POU6F2: variants seen among roughly 807,000 people sequenced by gnomAD.
POU6F2 encodes the protein POU class 6 homeobox 2.
In POU6F2, 31 loss-of-function variants were observed where a neutral mutation model predicts 71.3. The observed-to-expected ratio is 0.43, with a 90% confidence interval of 0.33 to 0.59. POU6F2 has a LOEUF of 0.59. Ranked by LOEUF, POU6F2 falls within the 20% of genes least tolerant of loss-of-function variation. POU6F2 has a pLI of 0.04. For missense variants in POU6F2, 783 were observed against 856.8 expected, an observed-to-expected ratio of 0.91 and a Z score of 1.07; for synonymous variants, 347 against 355.7, an observed-to-expected ratio of 0.98 and a Z score of 0.27.
intron 2 of POU6F2, among the ~76,000 whole-genome samples, chr7:39,148,756 A>T (rs1356385194): frequency 3.9e-5 from 6 of 152,152 alleles, no homozygotes; most frequent in Non-Finnish European, 8.8e-5. Flanking sequence ...GTCTAAATTA[A>T]CCTAGCTAGT....
At chr7:39,140,485 A>C (rs1234717202) in intron 2 of POU6F2, among the ~76,000 whole-genome samples, 1 of 151,966 alleles carries the variant, frequency 6.6e-6, no homozygotes, top group Non-Finnish European at 1.5e-5. Flanking sequence ...CCCTCTAGGG[A>C]CTCTAGGGGA....
intron 2 of POU6F2, among the ~76,000 whole-genome samples, chr7:39,160,028 ATGG>A (rs1042799805): frequency 3.3e-5 from 5 of 152,062 alleles, no homozygotes; most frequent in African/African-American, 1.2e-4. Context: ...AGTGTCTCTG[ATGG>A]TGTGGACAGA....
rs188069289 is a variant in POU6F2, at chr7:39,089,404, G to T, written c.277+3373G>T. On this transcript the variant is annotated intron_variant, in intron 2 of 9. Coordinates refer to ENST00000518318, the MANE Select transcript of POU6F2 (RefSeq NM_001370959.1). ...GGGTGGGGGATTATCAGAGAATCTGGCGCTGTGTCTCACAGGGCTTTAGCT... is the reference window on the plus strand; with the variant it reads ...GGGTGGGGGATTATCAGAGAATCTGTCGCTGTGTCTCACAGGGCTTTAGCT... 6.8e-3 allele frequency among the ~76,000 whole-genome samples: 1,041 copies of T among 152,276 alleles called. 5 individuals are homozygous for T. Among genetic ancestry groups the T allele is most frequent in the Non-Finnish European group, 0.01 (709 of 68,012 alleles).
At chr7:39,185,565 G>T (rs1793516201) in intron 2 of POU6F2, among the ~76,000 whole-genome samples, 1 of 152,046 alleles carries the variant, frequency 6.6e-6, no homozygotes, top group Non-Finnish European at 1.5e-5. Flanking sequence ...TGGGGCAACT[G>T]GTAGACATGT....
At chr7:39,085,046 T>C (rs1163914651) in intron 1 of POU6F2, 1 of 152,194 alleles carries the variant, frequency 6.6e-6, no homozygotes, top group Non-Finnish European at 1.5e-5. Flanking sequence ...AAGTTTGTCT[T>C]TTCTGAAGGC....
intron 1 of POU6F2, among the ~76,000 whole-genome samples, chr7:39,031,188 C>G (rs1034786605): frequency 7.9e-5 from 12 of 151,876 alleles, no homozygotes; most frequent in Non-Finnish European, 1.6e-4. Flanking sequence ...CGTGAGCCAC[C>G]GCGCCTGGCC....
chr7:39,227,551 C>CTTTTTTTT (rs34830334), intron 4 of POU6F2, among the ~76,000 whole-genome samples: 2 of 108,998 alleles, frequency 1.8e-5, no homozygotes, highest in African/African-American at 3.3e-5. Context: ...ACATTGGTAC[C>CTTTTTTTT]TTTTTTTTTT....
chr7:39,405,482 A>T (rs892292699), intron 5 of POU6F2, among the ~76,000 whole-genome samples: 1 of 152,192 alleles, frequency 6.6e-6, no homozygotes, highest in Non-Finnish European at 1.5e-5. Flanking sequence ...TTCTGAAAAA[A>T]TGCAGGAATT....
chr7:39,155,338 G>A (rs1249353818), intron 2 of POU6F2, among the ~76,000 whole-genome samples: 2 of 151,918 alleles, frequency 1.3e-5, no homozygotes, highest in Non-Finnish European at 2.9e-5. Context: ...AGAGGAAGAA[G>A]ATGAAGAGGG....
chr7:39,005,926 A>AT (rs1789052586), intron 1 of POU6F2, among the ~76,000 whole-genome samples: 1 of 152,214 alleles, frequency 6.6e-6, no homozygotes, highest in Admixed American at 6.5e-5. Flanking sequence ...ACACGAATTC[A>AT]TATGTATTTA....
chr7:39,425,316 T>C lies in POU6F2; in HGVS notation c.1114-7761T>C, dbSNP rs373656472. Among the ~76,000 whole-genome samples the C allele has an allele frequency of 2.0e-5, 3 of 152,126 alleles. No individual in the cohort carries two copies. The South Asian group carries it at 6.2e-4, about 32-fold the overall frequency. On this transcript the variant is annotated intron_variant, in intron 6 of 9. Transcript: ENST00000518318. ...GAGTTTGGTATTTAATTAAACATAA[T>C]AGAGGAAATGAAGAGCCACAAAAGC...
At chr7:39,253,620 C>CACA (rs1350657819) in intron 4 of POU6F2, among the ~76,000 whole-genome samples, 1 of 152,124 alleles carries the variant, frequency 6.6e-6, no homozygotes. Context: ...AAATGAGAAG[C>CACA]ATGTAATGTA....
intron 5 of POU6F2, among the ~76,000 whole-genome samples, chr7:39,403,624 G>A (rs913089682): frequency 5.3e-5 from 8 of 152,086 alleles, no homozygotes; most frequent in Admixed American, 3.9e-4. Context: ...AATCTACCCG[G>A]AGTCTCCAAT....
chr7:39,235,044 G>T (rs1369675372), intron 4 of POU6F2, among the ~76,000 whole-genome samples: 1 of 152,204 alleles, frequency 6.6e-6, no homozygotes, highest in Non-Finnish European at 1.5e-5. Flanking sequence ...TTCTGTCTCT[G>T]CTGTCTTTAG....
intron 2 of POU6F2, among the ~76,000 whole-genome samples, chr7:39,102,995 T>C (rs1791607628): frequency 6.6e-6 from 1 of 151,968 alleles, no homozygotes; most frequent in Non-Finnish European, 1.5e-5. Context: ...TGACCAAAAC[T>C]TTGTTCTGTG....
chr7:39,052,527 T>C (rs1790419693), intron 1 of POU6F2, among the ~76,000 whole-genome samples: 1 of 151,932 alleles, frequency 6.6e-6, no homozygotes, highest in African/African-American at 2.4e-5. Context: ...GAGAACTCAC[T>C]CACTATCACA....
At chr7:39,126,063 CT>C (rs1562715379) in intron 2 of POU6F2, among the ~76,000 whole-genome samples, 5 of 152,184 alleles carry the variant, frequency 3.3e-5, no homozygotes. Flanking sequence ...GTTCAGGTCC[CT>C]GTGATGCAAT....
chr7:39,214,684 C>T (rs1425852844), intron 4 of POU6F2, among the ~76,000 whole-genome samples: 5 of 152,132 alleles, frequency 3.3e-5, no homozygotes, highest in Non-Finnish European at 7.3e-5. Context: ...AAAAGGTGCT[C>T]AAGTGTGAAT....
chr7:39,466,243 A>G lies in POU6F2; in HGVS notation c.*1557A>G, dbSNP rs1276062767. On this transcript the variant is annotated 3_prime_UTR_variant, in exon 10 of 10. Coordinates refer to ENST00000518318, the MANE Select transcript of POU6F2 (RefSeq NM_001370959.1). ...AAATATAGAAGGGGCTTATCTAACA[A>G]TCAGAATAGCCTGCAATATGAGAAC... 6.6e-6 allele frequency: 1 copy of G among 152,202 alleles called. No homozygotes were observed. 9.4% of individuals were successfully genotyped at this position (152,202 alleles called of 1,614,324 possible).
Sources: gnomAD v4.1 joint callset for allele counts (sites outside exome capture counted in the v4.1 genomes callset) on GRCh38, gnomAD v4.1.1 for gene constraint, MANE v1.5 for transcripts, NCBI Gene and HGNC (gene_info 2026-07-23, HGNC 2026-07-21) for gene names.